Variants in SLC12A6 observed in about 807,000 individuals in gnomAD.
The protein encoded by SLC12A6 is K-Cl cotransporter 3.
A neutral mutation model predicts 135.3 loss-of-function variants in SLC12A6; 66 were observed. The observed-to-expected ratio is 0.49, with a 90% confidence interval of 0.40 to 0.60. The LOEUF is 0.60. Among genes scored for constraint, SLC12A6 ranks in the 20% least tolerant of loss-of-function variants. The pLI is 0.00. For missense variants in SLC12A6, 1,058 were observed against 1,452.3 expected (o/e 0.73, Z 4.41); for synonymous variants, 513 against 508.8 (o/e 1.01, Z -0.11).
At chr15:34,301,315 G>T (rs774220585) in intron 2 of SLC12A6, among the ~76,000 whole-genome samples, 1 of 152,076 alleles carries the variant, frequency 6.6e-6, no homozygotes, top group African/African-American at 2.4e-5. Flanking sequence ...CAAAATTCAG[G>T]ATTAGTTTTA....
intron 2 of SLC12A6, among the ~76,000 whole-genome samples, chr15:34,313,375 T>C (rs949809329): frequency 3.3e-5 from 5 of 152,220 alleles, no homozygotes; most frequent in Non-Finnish European, 7.3e-5. Context: ...AACATTCCAA[T>C]ATGCAAAAAC....
chr15:34,265,949 A>G (rs1328957838), intron 3 of SLC12A6, among the ~76,000 whole-genome samples: 11 of 149,368 alleles, frequency 7.4e-5, no homozygotes, highest in Non-Finnish European at 1.3e-4. Context: ...TTTCCAAAGG[A>G]GAGAGTAATG....
In SLC12A6 at chr15:34,236,098, A is replaced by T; in HGVS notation, c.3144T>A (p.Thr1048=). Residue 1048 remains threonine, a synonymous_variant, in exon 24 of 26, where the codon ACT becomes ACA. Transcript: ENST00000354181. ...TETYQEKVHM[T]WTKDKYMASR... The stretch of plus-strand genomic sequence containing the variant: ...ATGCCATGTACTTGTCTTTTGTCCA[A>T]GTCATGTGCACCTTCTCCTGATAGG... 6.2e-7 allele frequency: 1 copy of T among 1,613,780 alleles called. No homozygotes were observed. The highest frequency in any genetic ancestry group is 1.1e-5 in the South Asian group (1 of 91,072).
intron 2 of SLC12A6, among the ~76,000 whole-genome samples, chr15:34,319,742 T>A (rs1051831283): frequency 6.6e-6 from 1 of 150,970 alleles, no homozygotes; most frequent in African/African-American, 2.4e-5. Flanking sequence ...GAGATTGCAG[T>A]GAGCAGAGAT....
chr15:34,317,575 CATCTGTAA>C (rs201056066), intron 2 of SLC12A6, among the ~76,000 whole-genome samples: 5,954 of 152,096 alleles, frequency 0.039, 217 homozygotes, highest in African/African-American at 0.098. Flanking sequence ...TGGTGGCAGG[CATCTGTAA>C]TCCCAGCTAC....
intron 3 of SLC12A6, among the ~76,000 whole-genome samples, chr15:34,268,251 T>G (rs977388739): frequency 6.6e-6 from 1 of 152,226 alleles, no homozygotes; most frequent in African/African-American, 2.4e-5. Context: ...TCAGACAGTC[T>G]GGATCCTGGC....
intron 2 of SLC12A6, among the ~76,000 whole-genome samples, chr15:34,331,458 A>C (rs930467542): frequency 7.9e-5 from 12 of 152,158 alleles, no homozygotes; most frequent in Non-Finnish European, 1.3e-4. Context: ...ATTTTTTGAA[A>C]AGCTCTCTAG....
intron 3 of SLC12A6, among the ~76,000 whole-genome samples, chr15:34,273,366 C>CA (rs1019927895): frequency 2.6e-5 from 4 of 151,782 alleles, no homozygotes; most frequent in African/African-American, 9.7e-5. Context: ...AACCAAAAAC[C>CA]AAAAAAACAA....
intron 2 of SLC12A6, among the ~76,000 whole-genome samples, chr15:34,295,361 C>T (rs1895811663): frequency 6.6e-6 from 1 of 152,194 alleles, no homozygotes; most frequent in Non-Finnish European, 1.5e-5. Context: ...TGAGTCAATA[C>T]TTCTTAGCTT....
chr15:34,296,174 G>A (rs1895867853), intron 2 of SLC12A6, among the ~76,000 whole-genome samples: 1 of 152,170 alleles, frequency 6.6e-6, no homozygotes, highest in Non-Finnish European at 1.5e-5. Context: ...TGTGTTGGAT[G>A]CTGTGGGGAA....
At chr15:34,331,063 T>A (rs1595586977) in intron 2 of SLC12A6, among the ~76,000 whole-genome samples, 2 of 152,102 alleles carry the variant, frequency 1.3e-5, no homozygotes, top group South Asian at 4.2e-4. Context: ...ATAACAATAA[T>A]AATAATAAGT....
intron 2 of SLC12A6, among the ~76,000 whole-genome samples, chr15:34,284,277 CTTTTTTT>C (rs71415558): frequency 1.3e-4 from 12 of 92,492 alleles, no homozygotes; most frequent in South Asian, 4.1e-4. Context: ...TGTTTCTTTT[CTTTTTTT>C]TTTTTTTTTT....
intron 2 of SLC12A6, among the ~76,000 whole-genome samples, chr15:34,279,259 A>G (rs931116216): frequency 6.6e-6 from 1 of 152,064 alleles, no homozygotes; most frequent in Admixed American, 6.6e-5. Flanking sequence ...GGTTGCAGTT[A>G]GTGGAGATCA....
intron 2 of SLC12A6, among the ~76,000 whole-genome samples, chr15:34,326,128 G>A (rs1470398119): frequency 6.6e-6 from 1 of 152,168 alleles, no homozygotes; most frequent in Non-Finnish European, 1.5e-5. Context: ...AGTTGCCACT[G>A]TTGCCTCTTT....
At chr15:34,246,884 C>T (rs573356715) in intron 13 of SLC12A6, among the ~76,000 whole-genome samples, 197 of 152,232 alleles carry the variant, frequency 1.3e-3, no homozygotes, top group Non-Finnish European at 2.2e-3. Flanking sequence ...CTCCTGGGCT[C>T]GTGTGATCTT....
chr15:34,311,155 C>T (rs1490528195), intron 2 of SLC12A6, among the ~76,000 whole-genome samples: 1 of 152,030 alleles, frequency 6.6e-6, no homozygotes, highest in East Asian at 1.9e-4. Flanking sequence ...TCCTTAGAAC[C>T]TTATTTTAAA....
At chr15:34,333,482 C>T (rs12101715) in intron 2 of SLC12A6, among the ~76,000 whole-genome samples, 2 of 151,974 alleles carry the variant, frequency 1.3e-5, no homozygotes, top group Non-Finnish European at 1.5e-5. Context: ...CCACCCGCCT[C>T]GGCCTCCCAA....
chr15:34,246,301 T>C (rs1372023293), intron 13 of SLC12A6, among the ~76,000 whole-genome samples: 1 of 152,074 alleles, frequency 6.6e-6, no homozygotes, highest in Non-Finnish European at 1.5e-5. Flanking sequence ...AAATATAAGA[T>C]AGCCAGATTT....
In SLC12A6 at chr15:34,324,251, A is replaced by G. The variant is rs568566494; in HGVS notation, c.271+12159T>C. Among the ~76,000 whole-genome samples the G allele has an allele frequency of 2.0e-5, 3 of 152,334 alleles. No individual in the cohort carries two copies. The South Asian group carries it at 6.2e-4, about 32-fold the overall frequency. On this transcript the variant is annotated intron_variant, in intron 2 of 25. Transcript: ENST00000354181. Reference sequence around the variant, plus strand: ...ATACGATGAATTATTATTCAACGATAAACAGGAATCATACAGGTATGAAAT... The same window carrying G: ...ATACGATGAATTATTATTCAACGATGAACAGGAATCATACAGGTATGAAAT...
Sources: gnomAD v4.1 joint callset for allele counts (sites outside exome capture counted in the v4.1 genomes callset) on GRCh38, gnomAD v4.1.1 for gene constraint, MANE v1.5 for transcripts, NCBI Gene and HGNC (gene_info 2026-07-23, HGNC 2026-07-21) for gene names.